SDK1: variants seen among roughly 807,000 people sequenced by gnomAD.
SDK1 encodes sidekick cell adhesion molecule 1, also known as protein sidekick-1.
In SDK1, 157 loss-of-function variants were observed where a neutral mutation model predicts 245.5. The observed-to-expected ratio is 0.64, with a 90% CI of 0.56 to 0.73. SDK1 has a LOEUF of 0.73. SDK1 is among the 30% of genes least tolerant of loss of function. The probability of loss-of-function intolerance (pLI) is 0.00; values close to 1 mark genes in which losing one functional copy is unlikely to be tolerated. For synonymous variants in SDK1, 1,647 were observed against 1,278.5 expected (o/e 1.29, Z -6.15); for missense variants, 3,583 against 3,002.3 (o/e 1.19, Z -4.52).
chr7:3,502,108 A>C (rs17133477), intron 1 of SDK1, among the ~76,000 whole-genome samples: 3 of 152,084 alleles, frequency 2.0e-5, no homozygotes, highest in Admixed American at 6.5e-5. Flanking sequence ...CAGTCACTAT[A>C]TTAGACAAAC....
intron 44 of SDK1, 146 bp from the exon 45 acceptor site, chr7:4,264,978 C>T: frequency 1.6e-6 from 2 of 1,273,764 alleles, no homozygotes; most frequent in Non-Finnish European, 2.1e-6. Flanking sequence ...GGTGGGAGGG[C>T]CTGGCATTGG....
At chr7:3,553,087 T>C (rs1779466966) in intron 1 of SDK1, among the ~76,000 whole-genome samples, 2 of 152,192 alleles carry the variant, frequency 1.3e-5, no homozygotes, top group African/African-American at 4.8e-5. Context: ...TATAATTATT[T>C]GATGGATTTC....
chr7:3,483,550 T>A (rs1781582504), intron 1 of SDK1, among the ~76,000 whole-genome samples: 1 of 152,220 alleles, frequency 6.6e-6, no homozygotes, highest in African/African-American at 2.4e-5. Flanking sequence ...TCTAAATTTT[T>A]ATCTTATTGC....
chr7:3,791,402 A>G lies in SDK1; in HGVS notation c.714-30048A>G, dbSNP rs114556016. On this transcript the variant is annotated intron_variant, in intron 4 of 44. Transcript: ENST00000404826. ...CTGAGGCAGAAGCCATGTCATATGG[A>G]CCAGCTCATCATGGTGTGAGCATAA... Among the ~76,000 whole-genome samples, 851 of 152,322 alleles carry G rather than the reference A, an allele frequency of 5.6e-3. 9 individuals are homozygous for G. Among genetic ancestry groups the G allele is most frequent in the African/African-American group, 0.02 (818 of 41,568 alleles).
intron 4 of SDK1, among the ~76,000 whole-genome samples, chr7:3,764,607 G>A (rs1314051594): frequency 2.6e-5 from 4 of 152,176 alleles, no homozygotes; most frequent in African/African-American, 4.8e-5. Context: ...GCTGGAATCC[G>A]AGAAGCAGAG....
chr7:4,169,840 G>A (rs1360307560), intron 32 of SDK1, among the ~76,000 whole-genome samples: 1 of 152,140 alleles, frequency 6.6e-6, no homozygotes, highest in Non-Finnish European at 1.5e-5. Flanking sequence ...GAGCTCTCCT[G>A]CCTCCCTTAG....
rs570246902 is a variant in SDK1 at position 4,023,976 on chromosome 7, C to T, written c.2602+6624C>T. Reference sequence around the variant, plus strand: ...CATTTTTTGAATTCATCCATTAAGACGCAGATGTTGGTTTTTCTAGAAGGG... The same window carrying T: ...CATTTTTTGAATTCATCCATTAAGATGCAGATGTTGGTTTTTCTAGAAGGG... On this transcript the variant is annotated intron_variant, in intron 17 of 44. Coordinates refer to ENST00000404826, the MANE Select transcript of SDK1 (RefSeq NM_152744.4). Among the ~76,000 whole-genome samples the T allele has an allele frequency of 5.9e-5, 9 of 152,298 alleles. 1 individual carries two copies. Among genetic ancestry groups the T allele is most frequent in the African/African-American group, 2.2e-4 (9 of 41,564 alleles).
At chr7:3,762,254 G>A (rs1218888499) in intron 4 of SDK1, among the ~76,000 whole-genome samples, 3 of 152,106 alleles carry the variant, frequency 2.0e-5, no homozygotes, top group Non-Finnish European at 2.9e-5. Flanking sequence ...CCTATGGGAC[G>A]TACTGGGTGT....
intron 1 of SDK1, among the ~76,000 whole-genome samples, chr7:3,403,880 T>G (rs1023112378): frequency 2.5e-5 from 3 of 119,804 alleles, no homozygotes; most frequent in Admixed American, 9.1e-5. Flanking sequence ...ATATATATAT[T>G]TATTTATATT....
rs529160244 is a variant in SDK1, at chr7:3,646,007, C to T, written c.713+3902C>T. On this transcript the variant is annotated intron_variant, in intron 4 of 44. Coordinates refer to ENST00000404826, the MANE Select transcript of SDK1 (RefSeq NM_152744.4). ...CTGAGTAGCTGAGATTACAGGCGCA[C>T]CCCACTATGCCCAGCTGATTTTTGT... Among the ~76,000 whole-genome samples, 11 of 152,154 alleles carry T rather than the reference C, an allele frequency of 7.2e-5. No homozygotes were observed. In the South Asian group the frequency reaches 1.2e-3, roughly 17 times the overall value.
intron 5 of SDK1, among the ~76,000 whole-genome samples, chr7:3,943,903 C>A (rs1464139268): frequency 6.6e-6 from 1 of 152,154 alleles, no homozygotes; most frequent in Admixed American, 6.5e-5. Context: ...GAGGCGTCAT[C>A]TGAAGTGTTT....
chr7:3,779,249 C>T (rs375650180), intron 4 of SDK1, among the ~76,000 whole-genome samples: 3 of 152,140 alleles, frequency 2.0e-5, no homozygotes, highest in East Asian at 1.9e-4. Context: ...GTCTCTCCTA[C>T]GCTTCAGAAA....
At chr7:3,666,891 C>A (rs993852960) in intron 4 of SDK1, among the ~76,000 whole-genome samples, 1 of 152,216 alleles carries the variant, frequency 6.6e-6, no homozygotes, top group South Asian at 2.1e-4. Context: ...ATCTGCTATC[C>A]GTCACAAGAG....
chr7:3,675,469 T>G (rs963207960), intron 4 of SDK1, among the ~76,000 whole-genome samples: 11 of 152,216 alleles, frequency 7.2e-5, no homozygotes, highest in Admixed American at 1.3e-4. Context: ...GTTTCCTGTT[T>G]CATTCACATT....
chr7:3,341,833 G>C (rs947354123), intron 1 of SDK1, among the ~76,000 whole-genome samples: 2 of 152,180 alleles, frequency 1.3e-5, no homozygotes, highest in African/African-American at 4.8e-5. Flanking sequence ...TATTCAACAC[G>C]GTAAATGTGT....
At position 4,077,010 on chromosome 7, in the gene SDK1, C is replaced by T. The variant is rs113791749; in HGVS notation, c.3023C>T (p.Ser1008Phe). 10 of 1,614,046 alleles carry T rather than the reference C, an allele frequency of 6.2e-6. No homozygotes were observed. The highest frequency in any genetic ancestry group is 8.5e-6 in the Non-Finnish European group (10 of 1,180,028). ...KNGIITGYQI[S>F]WEVYGRNDSR... ...TGTTGCTTTCTAGGCTATCAGATCTCTTGGGAAGTGTACGGCAGGAACGAC... is the reference window on the plus strand; with the variant it reads ...TGTTGCTTTCTAGGCTATCAGATCTTTTGGGAAGTGTACGGCAGGAACGAC... The change falls in exon 21 of 45, where the codon TCT becomes TTT. Residue 1008 changes from serine to phenylalanine, a missense_variant. Physicochemically the swap from Ser to Phe is radical, Grantham distance 155. Transcript: ENST00000404826.
At chr7:3,468,372 C>T (rs754920234) in intron 1 of SDK1, among the ~76,000 whole-genome samples, 13 of 152,192 alleles carry the variant, frequency 8.5e-5, no homozygotes, top group Non-Finnish European at 1.9e-4. Flanking sequence ...GCAAGGCTTT[C>T]TCTGACCTTC....
At chr7:3,644,773 CAA>C (rs34276127) in intron 4 of SDK1, among the ~76,000 whole-genome samples, 1 of 40,032 alleles carries the variant, frequency 2.5e-5, no homozygotes, top group Admixed American at 3.9e-4. Flanking sequence ...ACCCTGTCTC[CAA>C]AAAAAAAAAA....
chr7:3,794,924 G>T (rs1423068081), intron 4 of SDK1, among the ~76,000 whole-genome samples: 2 of 148,648 alleles, frequency 1.3e-5, no homozygotes, highest in Admixed American at 6.6e-5. Flanking sequence ...ATATTAATGA[G>T]CTTTTTATTT....
Sources: gnomAD v4.1 joint callset for allele counts (sites outside exome capture counted in the v4.1 genomes callset) on GRCh38, gnomAD v4.1.1 for gene constraint, MANE v1.5 for transcripts, NCBI Gene and HGNC (gene_info 2026-07-23, HGNC 2026-07-21) for gene names.